DLGAP2: variants seen among roughly 807,000 people sequenced by gnomAD.
The protein encoded by DLGAP2 is disks large-associated protein 2.
In DLGAP2, 26 loss-of-function variants were observed where a neutral mutation model predicts 100.3. The ratio of observed to expected loss-of-function variants is 0.26; its 90% confidence interval spans 0.19 to 0.36. The LOEUF (loss-of-function observed/expected upper bound fraction) is 0.36, where lower values mean the gene tolerates loss of function less well. Ranked by LOEUF, DLGAP2 falls within the 10% of genes least tolerant of loss-of-function variation. The pLI is 1.00. For synonymous variants in DLGAP2, 886 were observed against 630.1 expected, an observed-to-expected ratio of 1.41 and a Z score of -6.08; for missense variants, 1,858 against 1,453.2, an observed-to-expected ratio of 1.28 and a Z score of -4.53.
At chr8:1,010,229 CACAT>C (rs1457886938) in intron 2 of DLGAP2, among the ~76,000 whole-genome samples, 1 of 152,182 alleles carries the variant, frequency 6.6e-6, no homozygotes, top group African/African-American at 2.4e-5. Context: ...GTTTTATACA[CACAT>C]ACACACATGT....
In DLGAP2 at chr8:1,097,242, T is replaced by G. The variant is rs113602471; in HGVS notation, c.74-161609T>G. On this transcript the variant is annotated intron_variant, in intron 2 of 14. Coordinates refer to ENST00000637795, the MANE Select transcript of DLGAP2 (RefSeq NM_001346810.2). ...CTTCACCCTCTGTGGCATGGAGAGG[T>G]CCCCTCCAGCGTGAGACCCAGCTCC... 6.3e-3 allele frequency among the ~76,000 whole-genome samples: 333 copies of G among 52,498 alleles called. No individual in the cohort carries two copies. The Middle Eastern group carries it at 0.071, about 11-fold the overall frequency. 34.4% of individuals were successfully genotyped at this position (52,498 alleles called of 152,430 possible).
chr8:1,446,050 A>G (rs1231015516), intron 3 of DLGAP2, among the ~76,000 whole-genome samples: 4 of 151,518 alleles, frequency 2.6e-5, no homozygotes, highest in Non-Finnish European at 4.4e-5. Context: ...TTGCCTGTTC[A>G]CTCTGATGGT....
At chr8:1,532,618 T>C (rs1030953695) in intron 4 of DLGAP2, among the ~76,000 whole-genome samples, 2 of 152,230 alleles carry the variant, frequency 1.3e-5, no homozygotes, top group African/African-American at 4.8e-5. Context: ...CTTTACTGCA[T>C]CCTAATCATA....
intron 3 of DLGAP2, among the ~76,000 whole-genome samples, chr8:1,285,631 A>T (rs1034995612): frequency 6.6e-6 from 1 of 152,154 alleles, no homozygotes; most frequent in Non-Finnish European, 1.5e-5. Context: ...GAGGGGAAAA[A>T]AAGCTTGTTA....
At chr8:902,494 G>T (rs1584876147) in intron 1 of DLGAP2, among the ~76,000 whole-genome samples, 1 of 146,852 alleles carries the variant, frequency 6.8e-6, no homozygotes, top group East Asian at 2.1e-4. Context: ...TCACAGAGGC[G>T]CTGGGTGCCC....
At chr8:1,111,046 C>G (rs940585750) in intron 2 of DLGAP2, among the ~76,000 whole-genome samples, 1 of 152,212 alleles carries the variant, frequency 6.6e-6, no homozygotes, top group African/African-American at 2.4e-5. Context: ...GCTCCACACC[C>G]GTGTGCCACC....
intron 9 of DLGAP2, among the ~76,000 whole-genome samples, chr8:1,669,436 G>T (rs1748975564): frequency 6.6e-6 from 1 of 152,246 alleles, no homozygotes; most frequent in Non-Finnish European, 1.5e-5. Flanking sequence ...TCTGGGTCAG[G>T]TAGCGCATCC....
intron 2 of DLGAP2, among the ~76,000 whole-genome samples, chr8:1,191,641 C>G (rs755069309): frequency 3.2e-4 from 48 of 148,980 alleles, no homozygotes; most frequent in Non-Finnish European, 6.6e-4. Context: ...TTCTCTGTTG[C>G]AATGAGCAGA....
chr8:1,171,137 G>C (rs1391830439), intron 2 of DLGAP2, among the ~76,000 whole-genome samples: 1 of 152,224 alleles, frequency 6.6e-6, no homozygotes, highest in Non-Finnish European at 1.5e-5. Flanking sequence ...ATTTCGTTAT[G>C]TACCCAGTAG....
At chr8:1,302,584 C>G (rs1466496000) in intron 3 of DLGAP2, 1 of 152,252 alleles carries the variant, frequency 6.6e-6, no homozygotes, top group Non-Finnish European at 1.5e-5. Flanking sequence ...CTGCTCCATA[C>G]CTGGGACCGG....
chr8:903,258 G>T (rs1798299528), intron 1 of DLGAP2, among the ~76,000 whole-genome samples: 1 of 152,126 alleles, frequency 6.6e-6, no homozygotes, highest in Admixed American at 6.5e-5. Flanking sequence ...CTACTCAGCA[G>T]GTTGGGGAAT....
chr8:1,308,502 C>G (rs1800542653), intron 3 of DLGAP2, among the ~76,000 whole-genome samples: 1 of 152,148 alleles, frequency 6.6e-6, no homozygotes, highest in Non-Finnish European at 1.5e-5. Flanking sequence ...ATGGTCCATT[C>G]AGGACAACAA....
chr8:1,069,837 C>T (rs1225186429), intron 2 of DLGAP2, among the ~76,000 whole-genome samples: 2 of 152,224 alleles, frequency 1.3e-5, no homozygotes, highest in East Asian at 3.9e-4. Context: ...GCTGTGAGGG[C>T]CTGTGGCTGC....
intron 2 of DLGAP2, among the ~76,000 whole-genome samples, chr8:1,153,448 G>A (rs781010655): frequency 5.3e-5 from 8 of 152,098 alleles, no homozygotes; most frequent in Admixed American, 1.3e-4. Flanking sequence ...AGTGTGTACC[G>A]TAGAAAGCTT....
rs1353009249 is a variant in DLGAP2 at position 1,620,946 on chromosome 8, C to G, written c.1443-5794C>G. ...CCCAGAATGCCTTTCCCCCTTTACC[C>G]TCTGCTCTCCAGACAAACAATGCTC... is the stretch of plus-strand genomic sequence containing the variant. On this transcript the variant is annotated intron_variant, in intron 6 of 14. Coordinates refer to ENST00000637795, the MANE Select transcript of DLGAP2 (RefSeq NM_001346810.2). 3.3e-5 allele frequency among the ~76,000 whole-genome samples: 5 copies of G among 152,240 alleles called. No individual in the cohort carries two copies. The East Asian group carries it at 7.7e-4, about 23-fold the overall frequency.
intron 14 of DLGAP2, among the ~76,000 whole-genome samples, chr8:1,698,305 ACCATGTGTGGGACAGGTCCATGTAAG>A: frequency 8.3e-6 from 1 of 121,166 alleles, no homozygotes; most frequent in Non-Finnish European, 1.8e-5. Flanking sequence ...GTCCACTTAA[ACCATGTGTGGGACAGGTCCATGTAAG>A]CCATGTGTGG....
chr8:1,549,416 C>T lies in DLGAP2; in HGVS notation c.963C>T (p.Gly321=), dbSNP rs758466387. Residue 321 remains glycine (G), a synonymous_variant, in exon 5 of 15, where the codon GGC becomes GGT. Coordinates refer to ENST00000637795, the MANE Select transcript of DLGAP2 (RefSeq NM_001346810.2). ...TPSVLNRHHL[G]PVAHCYPDAL... ...GCGTGCTCAACCGGCACCACCTGGG[C>T]CCCGTGGCCCACTGCTACCCCGACG... 1.9e-6 allele frequency: 3 copies of T among 1,613,318 alleles called. No homozygotes were observed. The highest frequency in any genetic ancestry group is 2.2e-5 in the East Asian group (1 of 44,880).
chr8:949,807 C>G lies in DLGAP2; in HGVS notation c.73+41841C>G, dbSNP rs7837410. Among the ~76,000 whole-genome samples, 1,224 of 152,242 alleles carry G rather than the reference C, an allele frequency of 8.0e-3. 12 individuals carry two copies. Among genetic ancestry groups the G allele is most frequent in the African/African-American group, 0.027 (1,132 of 41,554 alleles). On this transcript the variant is annotated intron_variant, in intron 2 of 14. Transcript: ENST00000637795. ...GGGGGCCGTCCTGGGACGCAGGTCA[C>G]GCGGGCCCTCCAGAGAACACAGGCA...
chr8:1,158,788 T>C (rs1796839119), intron 2 of DLGAP2, among the ~76,000 whole-genome samples: 2 of 152,236 alleles, frequency 1.3e-5, no homozygotes, highest in Admixed American at 1.3e-4. Flanking sequence ...CATGATTCTG[T>C]CCACATCGAC....
Sources: gnomAD v4.1 joint callset for allele counts (sites outside exome capture counted in the v4.1 genomes callset) on GRCh38, gnomAD v4.1.1 for gene constraint, MANE v1.5 for transcripts, NCBI Gene and HGNC (gene_info 2026-07-23, HGNC 2026-07-21) for gene names.